TSSK4: variants seen among roughly 807,000 people sequenced by gnomAD.
TSSK4 encodes the protein testis-specific serine/threonine-protein kinase 4.
In TSSK4, 22 loss-of-function variants were observed where a neutral mutation model predicts 28.5. The ratio of observed to expected loss-of-function variants is 0.77; its 90% CI spans 0.55 to 1.10. The LOEUF (loss-of-function observed/expected upper bound fraction) is 1.10, where lower values mean the gene tolerates loss of function less well. Ranked by LOEUF, TSSK4 falls within the 50% of genes least tolerant of loss-of-function variation. The pLI, the probability that TSSK4 is intolerant of heterozygous loss-of-function variation, is 0.00. For missense variants in TSSK4, 329 were observed against 415.4 expected, an observed-to-expected ratio of 0.79 and a Z score of 1.81; for synonymous variants, 151 against 158.3, an observed-to-expected ratio of 0.95 and a Z score of 0.35.
At position 24,207,261 on chromosome 14, in the gene TSSK4, C is replaced by T. The variant is rs188911161; in HGVS notation, c.586C>T (p.Arg196Cys). ...GCCTGTGGGTTGTAGCCCTTCTTAC[C>T]GCCAAGTGAACTGCTTTTCCCACCT... ...NQPVGCSPSY[R>C]QVNCFSHLSQ... The change falls in exon 3 of 4, where the codon CGC becomes TGC. Residue 196 changes from arginine to cysteine, a missense_variant. Around this residue, in one of 3 missense-constraint regions of TSSK4, gnomAD observed 139 missense variants for 178.1 expected, o/e 0.78. Coordinates refer to ENST00000339917, the MANE Select transcript of TSSK4 (RefSeq NM_001184739.2). The T allele has an allele frequency of 1.9e-5, 31 of 1,614,106 alleles. No homozygotes were observed. The highest frequency in any genetic ancestry group is 8.9e-5 in the East Asian group (4 of 44,878).
chr14:24,206,873 C>T lies in TSSK4; in HGVS notation c.440+150C>T, dbSNP rs557520855. 6.5e-5 allele frequency: 66 copies of T among 1,012,036 alleles called. No individual in the cohort carries two copies. The African/African-American group carries it at 1.0e-3, about 16-fold the overall frequency. The allele number at this position is 1,012,036 out of a possible 1,614,324, so 62.7% of individuals were successfully genotyped here. On this transcript the variant is annotated intron_variant, in intron 2 of 3. Transcript: ENST00000339917. The stretch of plus-strand genomic sequence containing the variant: ...TATTTTAATCATATGGTCAAGGATA[C>T]TGATAAAGTACTCACTGTATGCAAA...
intron 1 of TSSK4, 99 bp from the exon 2 acceptor site, chr14:24,206,410 T>C (rs920843550): frequency 2.3e-6 from 3 of 1,311,894 alleles, no homozygotes; most frequent in East Asian, 2.3e-5. Context: ...GCTGATCCTA[T>C]TGCAAAGTCC....
chr14:24,208,019 T>C lies in TSSK4; in HGVS notation c.890T>C (p.Ile297Thr), dbSNP rs776622341. 6.2e-7 allele frequency: 1 copy of C among 1,614,194 alleles called. No homozygotes were observed. The highest frequency in any genetic ancestry group is 2.2e-5 in the East Asian group (1 of 44,888). The change falls in exon 4 of 4, where the codon ATC (isoleucine) becomes ACC (threonine). Residue 297 changes from isoleucine (I) to threonine (T), a missense_variant. This residue lies in a region of TSSK4 where 139 missense variants were observed against 178.1 expected (regional missense o/e 0.78). Transcript: ENST00000339917. Reference sequence around the variant, plus strand: ...ACTAAGCGTGCCACCATTCTGGACATCATCAAGGATTCCTGGGTGCTCAAG... The same window carrying C: ...ACTAAGCGTGCCACCATTCTGGACACCATCAAGGATTCCTGGGTGCTCAAG... ...QATKRATILD[I>T]IKDSWVLKFQ... is the part of the protein sequence containing the mutation.
rs2039543507 is a variant in TSSK4 at position 24,207,578 on chromosome 14, G to A, written c.834+69G>A. 4.6e-6 allele frequency: 7 copies of A among 1,521,738 alleles called. No homozygotes were observed. In the South Asian group the frequency reaches 9.3e-5, roughly 20 times the overall value. The allele number at this position is 1,521,738 out of a possible 1,614,324, so 94.3% of individuals were successfully genotyped here. On this transcript the variant is annotated intron_variant, in intron 3 of 3. Transcript: ENST00000339917. ...CAGGGAGGGGTGAATATCCAACCTA[G>A]GTCACCCAACCTAGGCCTCCCAACC...
Position 24,205,895 on chromosome 14 carries a change from A to T in TSSK4, c.-29A>T. The T allele has an allele frequency of 6.3e-7, 1 of 1,592,350 alleles. No individual in the cohort carries two copies. Reference sequence around the variant, plus strand: ...TGGATAGGAGGCTTCCAAGTAGTAAAGCTCCCTGCTCTCAGCAAGCCCAAC... The same window carrying T: ...TGGATAGGAGGCTTCCAAGTAGTAATGCTCCCTGCTCTCAGCAAGCCCAAC... On this transcript the variant is annotated 5_prime_UTR_variant, in exon 1 of 4. In the 5' UTR this introduces an upstream ATG that the reference lacks. Coordinates refer to ENST00000339917, the MANE Select transcript of TSSK4 (RefSeq NM_001184739.2).
At chr14:24,207,816 G>T in intron 3 of TSSK4, 148 bp from the exon 4 acceptor site, 11 of 1,477,920 alleles carry the variant, frequency 7.4e-6, no homozygotes, top group Non-Finnish European at 1.0e-5. Context: ...TTAACTGCCT[G>T]GGTCTCCAAG....
chr14:24,207,545 A>G, intron 3 of TSSK4, 36 bp downstream of exon 3: 1 of 1,558,516 alleles, frequency 6.4e-7, no homozygotes, highest in Non-Finnish European at 8.7e-7. Flanking sequence ...GCCTTCAGGG[A>G]TGACCCACAG....
intron 1 of TSSK4, 78 bp downstream of exon 1, chr14:24,206,226 G>C (rs2039514458): frequency 7.2e-7 from 1 of 1,387,332 alleles, no homozygotes; most frequent in Non-Finnish European, 1.0e-6. Flanking sequence ...GTATGGCCAG[G>C]AGGGGTGGGG....
chr14:24,206,364 T>C (rs913772093), intron 1 of TSSK4, 145 bp from the exon 2 acceptor site: 5 of 959,884 alleles, frequency 5.2e-6, no homozygotes, highest in Non-Finnish European at 6.3e-6. Flanking sequence ...AAACATAGCA[T>C]TTGCCCACAG....
intron 2 of TSSK4, 169 bp from the exon 3 acceptor site, chr14:24,206,947 T>A (rs543681415): frequency 9.6e-7 from 1 of 1,043,066 alleles, no homozygotes; most frequent in Admixed American, 2.0e-5. Flanking sequence ...TCAGATACCA[T>A]CCTCTGTCTC....
chr14:24,207,491 C>T lies in TSSK4; in HGVS notation c.816C>T (p.Thr272=). ...AGGTCACTTTCCCAGCTAACCATAC[C>T]ATCTCCCAGGAGTGCAAGGTACTGG... The part of the protein sequence containing the change: ...QKEVTFPANH[T]ISQECKNLIL... Residue 272 remains threonine (T), a synonymous_variant, in exon 3 of 4, where the codon ACC becomes ACT. Transcript: ENST00000339917. 6.2e-7 allele frequency: 1 copy of T among 1,610,796 alleles called. No homozygotes were observed. Among genetic ancestry groups the T allele is most frequent in the African/African-American group, 1.3e-5 (1 of 74,970 alleles).
At position 24,207,475 on chromosome 14, in the gene TSSK4, T is replaced by C; in HGVS notation, c.800T>C (p.Phe267Ser). 2 of 1,613,258 alleles carry C rather than the reference T, an allele frequency of 1.2e-6. No homozygotes were observed. Among genetic ancestry groups the C allele is most frequent in the Non-Finnish European group, 1.7e-6 (2 of 1,179,542 alleles). Residue 267 changes from phenylalanine to serine, a missense_variant, in exon 3 of 4, where the codon TTC becomes TCC. Transcript: ENST00000339917. ...AGAGAGACTCAGAAGGAGGTCACTTTCCCAGCTAACCATACCATCTCCCAG... is the reference window on the plus strand; with the variant it reads ...AGAGAGACTCAGAAGGAGGTCACTTCCCCAGCTAACCATACCATCTCCCAG... ...LLRETQKEVT[F>S]PANHTISQEC...
rs751060900 is a variant in TSSK4 at position 24,206,697 on chromosome 14, C to T, written c.414C>T (p.Tyr138=). 2.5e-6 allele frequency: 4 copies of T among 1,613,810 alleles called. No individual in the cohort carries two copies. Among genetic ancestry groups the T allele is most frequent in the Non-Finnish European group, 2.5e-6 (3 of 1,180,040 alleles). Residue 138 remains tyrosine, a synonymous_variant, in exon 2 of 4, where the codon TAC becomes TAT. Transcript: ENST00000339917. The stretch of plus-strand genomic sequence containing the variant: ...CCCAGCTGACCCTGGGCATTGCCTA[C>T]CTGCACAGCAAGAGCATCGTGCACC... ...WFSQLTLGIA[Y]LHSKSIVHRL...
Position 24,208,153 on chromosome 14 carries a change from C to T in TSSK4, c.*7C>T, listed in dbSNP as rs2039555090. The T allele has an allele frequency of 1.3e-6, 2 of 1,596,884 alleles. No homozygotes were observed. On this transcript the variant is annotated 3_prime_UTR_variant, in exon 4 of 4. Transcript: ENST00000339917. ...CTTGCAAATTACGACCTGAAAATGG[C>T]TGAGGGAGGGGGCTAAGAGAGGAGC... is the stretch of plus-strand genomic sequence containing the variant.
At chr14:24,206,291 A>G (rs2039515066) in intron 1 of TSSK4, 143 bp downstream of exon 1, 2 of 904,414 alleles carry the variant, frequency 2.2e-6, no homozygotes, top group South Asian at 3.3e-5. Flanking sequence ...AGGAAACTTT[A>G]TGTAAGTTAA....
chr14:24,206,177 G>C, intron 1 of TSSK4, 29 bp downstream of exon 1: 1 of 1,607,274 alleles, frequency 6.2e-7, no homozygotes, highest in Non-Finnish European at 8.5e-7. Flanking sequence ...AGAGGGAACT[G>C]GAGCTTGGTA....
chr14:24,207,070 C>T (rs766996874), intron 2 of TSSK4, 46 bp from the exon 3 acceptor site: 1 of 1,599,350 alleles, frequency 6.3e-7, no homozygotes, highest in East Asian at 2.2e-5. Flanking sequence ...TACCCTCTGA[C>T]CCCTGGCCCT....
Position 24,207,386 on chromosome 14 carries a change from C to T in TSSK4, c.711C>T (p.Val237=). 2 of 1,614,178 alleles carry T rather than the reference C, an allele frequency of 1.2e-6. No individual in the cohort carries two copies. Among genetic ancestry groups the T allele is most frequent in the Non-Finnish European group, 1.7e-6 (2 of 1,180,042 alleles). The change falls in exon 3 of 4, where the codon GTC becomes GTT. Residue 237 remains valine (V), a synonymous_variant. Transcript: ENST00000339917. ...TGTCTGACACCTGGAGCATGGGCGT[C>T]ATCCTTTACACTCTAGTGGTCGCCC... ...PFLSDTWSMG[V]ILYTLVVAHL...
In TSSK4 at chr14:24,207,370, C is replaced by T. The variant is rs150354898; in HGVS notation, c.695C>T (p.Thr232Ile). 2.5e-6 allele frequency: 4 copies of T among 1,614,068 alleles called. No homozygotes were observed. The highest frequency in any genetic ancestry group is 1.3e-5 in the African/African-American group (1 of 74,924). Reference sequence around the variant, plus strand: ...CCCTACAACCCTTTCCTGTCTGACACCTGGAGCATGGGCGTCATCCTTTAC... The same window carrying T: ...CCCTACAACCCTTTCCTGTCTGACATCTGGAGCATGGGCGTCATCCTTTAC... ...GLPYNPFLSD[T>I]WSMGVILYTL... Residue 232 changes from threonine (T) to isoleucine (I), a missense_variant, in exon 3 of 4, where the codon ACC (threonine) becomes ATC (isoleucine). Physicochemically the swap from Thr to Ile is moderately conservative, Grantham distance 89 (BLOSUM62 -1). This residue lies in a region of TSSK4 where 139 missense variants were observed against 178.1 expected (regional missense o/e 0.78). Transcript: ENST00000339917.
Sources: gnomAD v4.1 joint callset for allele counts on GRCh38, gnomAD v4.1.1 for gene constraint, gnomAD v4.1.1 regional missense constraint, MANE v1.5 for transcripts, NCBI Gene and HGNC (gene_info 2026-07-23, HGNC 2026-07-21) for gene names.